Variants in COL5A1 observed in about 807,000 individuals in gnomAD.
COL5A1 encodes the protein collagen alpha-1(V) chain.
In COL5A1, 16 loss-of-function variants were observed where a neutral mutation model predicts 263.7. The observed-to-expected ratio is 0.06, with a 90% CI of 0.04 to 0.09. COL5A1 has a LOEUF of 0.09. COL5A1 is among the 10% of genes least tolerant of loss of function. The pLI is 1.00. For missense variants in COL5A1, 2,036 were observed against 2,540.5 expected, an observed-to-expected ratio of 0.80 and a Z score of 4.27; for synonymous variants, 1,012 against 1,004.5, an observed-to-expected ratio of 1.01 and a Z score of -0.14.
At chr9:134,837,389 G>A (rs1014515029) in intron 65 of COL5A1, among the ~76,000 whole-genome samples, 3 of 152,060 alleles carry the variant, frequency 2.0e-5, no homozygotes, top group Non-Finnish European at 4.4e-5. Flanking sequence ...AAGGACCCTT[G>A]GAGGTTAAAG....
Position 134,806,136 on chromosome 9 carries a change from G to T in COL5A1, c.3259-53G>T, listed in dbSNP as rs538021353. 5 of 1,345,950 alleles carry T rather than the reference G, an allele frequency of 3.7e-6. No homozygotes were observed. In the African/African-American group the frequency reaches 4.3e-5, roughly 12 times the overall value. The allele number at this position is 1,345,950 out of a possible 1,614,324, so 83.4% of individuals were successfully genotyped here. A position where few individuals can be genotyped will look rare whatever the true frequency, so the allele number is the denominator to read the frequency against. On this transcript the variant is annotated intron_variant, in intron 41 of 65. Transcript: ENST00000371817. ...ATCAGCTGGTGCTTTACAAAGTCAC[G>T]ACCACGCAGTCTGAGAGCCTTTGAA... is the stretch of plus-strand genomic sequence containing the variant.
At chr9:134,738,945 G>C in intron 11 of COL5A1, 137 bp downstream of exon 11, 2 of 742,882 alleles carry the variant, frequency 2.7e-6, no homozygotes, top group Non-Finnish European at 4.8e-6. Context: ...CCCTCACCCA[G>C]GCACTCCTCA....
intron 20 of COL5A1, 82 bp downstream of exon 20, chr9:134,763,819 G>T: frequency 7.2e-7 from 1 of 1,388,050 alleles, no homozygotes; most frequent in Non-Finnish European, 1.0e-6. Context: ...AGCAGGATCT[G>T]GGATCAGCCA....
chr9:134,803,388 A>C (rs1218384508), intron 39 of COL5A1, among the ~76,000 whole-genome samples: 1 of 152,134 alleles, frequency 6.6e-6, no homozygotes, highest in African/African-American at 2.4e-5. Flanking sequence ...TAATCCCAGC[A>C]CTTTTGGAGG....
At chr9:134,702,252 T>G (rs1439660926) in intron 4 of COL5A1, among the ~76,000 whole-genome samples, 5 of 152,164 alleles carry the variant, frequency 3.3e-5, no homozygotes, top group Non-Finnish European at 7.4e-5. Context: ...TGCACCCGGG[T>G]CTCTGTGGCT....
intron 65 of COL5A1, among the ~76,000 whole-genome samples, chr9:134,839,326 G>A (rs945128011): frequency 6.6e-6 from 1 of 152,198 alleles, no homozygotes; most frequent in African/African-American, 2.4e-5. Context: ...CGGGGTAACA[G>A]AGCGGCTCGC....
chr9:134,802,440 C>T (rs1483436819), intron 38 of COL5A1, among the ~76,000 whole-genome samples: 8 of 152,198 alleles, frequency 5.3e-5, no homozygotes, highest in Non-Finnish European at 1.0e-4. Context: ...AGCTGCAGAA[C>T]GGGGAGGGGT....
intron 4 of COL5A1, among the ~76,000 whole-genome samples, chr9:134,703,804 AT>A (rs368777793): frequency 6.6e-6 from 1 of 151,116 alleles, no homozygotes. Context: ...CACCCAGCTA[AT>A]TTTTTTTGTA....
At position 134,842,283 on chromosome 9, in the gene COL5A1, C is replaced by T. The variant is rs370789226; in HGVS notation, c.5497C>T (p.Pro1833Ser). Residue 1833 changes from proline to serine, a missense_variant, in exon 66 of 66, where the codon CCG (proline) becomes TCG (serine). Physicochemically the swap from Pro to Ser is moderately conservative, Grantham distance 74. Transcript: ENST00000371817. The surrounding 1 kb of genome is among the most constrained non-coding windows in gnomAD (Gnocchi z 5.8). ...ACAGAAATTTGGATTTGAAGTGGGG[C>T]CGGCTTGCTTCATGGGCTAGGAGCC... is the stretch of plus-strand genomic sequence containing the variant. ...ASQKFGFEVG[P>S]ACFMG 1.9e-6 allele frequency: 3 copies of T among 1,614,074 alleles called. No homozygotes were observed. Among genetic ancestry groups the T allele is most frequent in the Non-Finnish European group, 2.5e-6 (3 of 1,180,034 alleles).
At chr9:134,693,149 A>G (rs551698672) in intron 2 of COL5A1, among the ~76,000 whole-genome samples, 40 of 152,210 alleles carry the variant, frequency 2.6e-4, no homozygotes, top group Middle Eastern at 6.8e-3. Context: ...TGCCTCTCTC[A>G]GCAGGGACCC....
chr9:134,842,412 C>A lies in COL5A1; in HGVS notation c.*109C>A. On this transcript the variant is annotated 3_prime_UTR_variant, in exon 66 of 66. Transcript: ENST00000371817. This position sits in a 1 kb window ranked among gnomAD's most constrained non-coding sequence, Gnocchi z 5.8. ...CCTGGACAGTGAAGGCTTCTCCCTC[C>A]CCTCCCACCTGACTTCATCTACGCC... 3 of 1,345,504 alleles carry A rather than the reference C, an allele frequency of 2.2e-6. No homozygotes were observed. Among genetic ancestry groups the A allele is most frequent in the Non-Finnish European group, 2.1e-6 (2 of 965,892 alleles). The allele number at this position is 1,345,504 out of a possible 1,614,324, so 83.3% of individuals were successfully genotyped here.
chr9:134,748,153 A>G (rs1475020952), intron 11 of COL5A1, among the ~76,000 whole-genome samples: 1 of 149,972 alleles, frequency 6.7e-6, no homozygotes, highest in East Asian at 2.0e-4. Flanking sequence ...ATGCATTCAC[A>G]CATTCCACAC....
chr9:134,754,045 G>A lies in COL5A1; in HGVS notation c.1773+142G>A. 1.2e-6 allele frequency: 1 copy of A among 853,782 alleles called. No individual in the cohort carries two copies. The highest frequency in any genetic ancestry group is 1.9e-6 in the Non-Finnish European group (1 of 518,342). The allele number at this position is 853,782 out of a possible 1,614,324, so 52.9% of individuals were successfully genotyped here. A position where few individuals can be genotyped will look rare whatever the true frequency, so the allele number is the denominator to read the frequency against. On this transcript the variant is annotated intron_variant, in intron 15 of 65. Coordinates refer to ENST00000371817, the MANE Select transcript of COL5A1 (RefSeq NM_000093.5). The surrounding 1 kb of genome is among the most constrained non-coding windows in gnomAD (Gnocchi z 4.3). ...TGTCCTTGCTTTACGCAGTGCTGAG[G>A]GTGGAGCACAATGAACTCTGACACC...
chr9:134,830,028 T>G lies in COL5A1; in HGVS notation c.5120T>G (p.Phe1707Cys). ...AACCCGGGCTCCTGGTTCAGTGAAT[T>G]CAAGCGTGGGAAACTGGTAAGGTGG... ...KENPGSWFSE[F>C]KRGKLLSYVD... is the part of the protein sequence containing the mutation. Residue 1707 changes from phenylalanine to cysteine, a missense_variant, in exon 64 of 66, where the codon TTC becomes TGC. Physicochemically the swap from Phe to Cys is radical, Grantham distance 205. Coordinates refer to ENST00000371817, the MANE Select transcript of COL5A1 (RefSeq NM_000093.5). 3 of 1,614,072 alleles carry G rather than the reference T, an allele frequency of 1.9e-6. No homozygotes were observed. Among genetic ancestry groups the G allele is most frequent in the Non-Finnish European group, 8.5e-7 (1 of 1,179,988 alleles).
intron 53 of COL5A1, 105 bp from the exon 54 acceptor site, chr9:134,817,673 C>G: frequency 9.6e-7 from 1 of 1,046,994 alleles, no homozygotes; most frequent in South Asian, 1.4e-5. Flanking sequence ...CGTCCCTCTG[C>G]CCCTGCAGGC....
At chr9:134,737,821 G>C (rs1370671194) in intron 9 of COL5A1, among the ~76,000 whole-genome samples, 1 of 152,210 alleles carries the variant, frequency 6.6e-6, no homozygotes, top group Non-Finnish European at 1.5e-5. Context: ...GTGAGGCCTG[G>C]GTGTGCTTGA....
rs574323697 is a variant in COL5A1, at chr9:134,808,544, TACATGTTGGTGCATATTCACACGTGTGC to T, written c.3367-605_3367-578del. On this transcript the variant is annotated intron_variant, in intron 42 of 65. Coordinates refer to ENST00000371817, the MANE Select transcript of COL5A1 (RefSeq NM_000093.5). ...GTGCTTCTTTATATGTCCTTGTGTG[TACATGTTGGTGCATATTCACACGTGTGC>T]ACATGTTGGTGCATATTCACACGTG... Among the ~76,000 whole-genome samples the T allele has an allele frequency of 9.8e-3, 1,496 of 152,306 alleles. 15 individuals carry two copies. The highest frequency in any genetic ancestry group is 0.034 in the African/African-American group (1,429 of 41,550).
intron 9 of COL5A1, among the ~76,000 whole-genome samples, chr9:134,735,321 A>G (rs747992062): frequency 6.6e-6 from 1 of 152,178 alleles, no homozygotes; most frequent in Non-Finnish European, 1.5e-5. Context: ...ACCACCCCAT[A>G]GCTGCCTCTT....
chr9:134,718,678 G>A (rs1834352220), intron 4 of COL5A1, among the ~76,000 whole-genome samples: 1 of 152,212 alleles, frequency 6.6e-6, no homozygotes, highest in Admixed American at 6.5e-5. Context: ...CAGGATGTGT[G>A]ACTTGGCACG....
Sources: gnomAD v4.1 joint callset for allele counts (sites outside exome capture counted in the v4.1 genomes callset) on GRCh38, gnomAD v4.1.1 for gene constraint, Gnocchi (gnomAD v3.1) non-coding constraint, MANE v1.5 for transcripts, NCBI Gene and HGNC (gene_info 2026-07-23, HGNC 2026-07-21) for gene names.